The following STPG2 variants were observed in gnomAD, a reference collection of about 807,000 sequenced individuals.
STPG2 encodes sperm-tail PG-rich repeat-containing protein 2.
Under a neutral mutation model 54.2 loss-of-function variants are expected in STPG2, and 56 were observed. The ratio of observed to expected loss-of-function variants is 1.03; its 90% CI spans 0.83 to 1.29. The LOEUF is 1.29. Ranked by LOEUF, STPG2 falls within the 50% of genes most tolerant of loss-of-function variation. The pLI, the probability that STPG2 is intolerant of heterozygous loss-of-function variation, is 0.00. For synonymous variants in STPG2, 200 were observed against 181.8 expected, an observed-to-expected ratio of 1.10 and a Z score of -0.81; for missense variants, 596 against 544.9, an observed-to-expected ratio of 1.09 and a Z score of -0.93.
At chr4:98,018,156 T>C (rs1736030967) in intron 5 of STPG2, among the ~76,000 whole-genome samples, 1 of 152,136 alleles carries the variant, frequency 6.6e-6, no homozygotes, top group Non-Finnish European at 1.5e-5. Flanking sequence ...TTCCTAATGC[T>C]ATCCCTCCCC....
chr4:97,441,287 T>A (rs988104278), intron 4 of STPG2: 6 of 152,034 alleles, frequency 3.9e-5, no homozygotes, highest in South Asian at 2.1e-4. Context: ...ATATTTTATA[T>A]GGATGCATCA....
In STPG2 at chr4:97,492,331, C is replaced by T. The variant is rs142749944; in HGVS notation, c.462+220368G>A. ...TTGCCAGTTTTGATCCCAGGAATGT[C>T]TTTCATGGGGACCTCTGAAAACATC... On this transcript the variant is annotated intron_variant, in intron 4 of 4. Transcript: ENST00000522676. 9.7e-3 allele frequency among the ~76,000 whole-genome samples: 1,469 copies of T among 151,512 alleles called. 10 individuals are homozygous for T. Among genetic ancestry groups the T allele is most frequent in the Non-Finnish European group, 0.015 (1,046 of 67,616 alleles).
intron 10 of STPG2, among the ~76,000 whole-genome samples, chr4:97,575,250 A>G (rs2148886643): frequency 6.6e-6 from 1 of 152,182 alleles, no homozygotes; most frequent in African/African-American, 2.4e-5. Context: ...AACCATTCTG[A>G]AAAAATCAAG....
Position 97,838,169 on chromosome 4 carries a change from A to T in STPG2, c.1204+2604T>A, listed in dbSNP as rs1728688915. Reference sequence around the variant, plus strand: ...GTATAAGAAATTCTGCATCCAACCAAAAAAGGTCTTTCCATTGCTATTAAA... The same window carrying T: ...GTATAAGAAATTCTGCATCCAACCATAAAAGGTCTTTCCATTGCTATTAAA... On this transcript the variant is annotated intron_variant, in intron 9 of 10. Coordinates refer to ENST00000295268, the MANE Select transcript of STPG2 (RefSeq NM_174952.3). 2.0e-5 allele frequency among the ~76,000 whole-genome samples: 3 copies of T among 151,524 alleles called. 1 individual carries two copies. The South Asian group carries it at 6.2e-4, about 31-fold the overall frequency.
At chr4:97,559,392 G>A (rs539145293) in intron 10 of STPG2, among the ~76,000 whole-genome samples, 1 of 152,138 alleles carries the variant, frequency 6.6e-6, no homozygotes, top group South Asian at 2.1e-4. Flanking sequence ...TTATTTACTT[G>A]TAATAGTCTG....
Position 98,094,941 on chromosome 4 carries a change from G to A in STPG2, c.612+11012C>T, listed in dbSNP as rs116928152. Reference sequence around the variant, plus strand: ...TTAAAATAAGCTTATACTTGACTAAGTATAAAGACCAAATGATGAACCAAT... The same window carrying A: ...TTAAAATAAGCTTATACTTGACTAAATATAAAGACCAAATGATGAACCAAT... On this transcript the variant is annotated intron_variant, in intron 5 of 10. Coordinates refer to ENST00000295268, the MANE Select transcript of STPG2 (RefSeq NM_174952.3). Among the ~76,000 whole-genome samples, 1,166 of 152,144 alleles carry A rather than the reference G, an allele frequency of 7.7e-3. 23 individuals are homozygous for A. Among genetic ancestry groups the A allele is most frequent in the East Asian group, 0.05 (259 of 5,162 alleles).
chr4:97,863,717 A>G (rs946375823), intron 8 of STPG2, among the ~76,000 whole-genome samples: 10 of 152,236 alleles, frequency 6.6e-5, no homozygotes, highest in Non-Finnish European at 1.3e-4. Context: ...CTGGTAAACC[A>G]AATCCAGCAG....
intron 9 of STPG2, among the ~76,000 whole-genome samples, chr4:97,776,368 A>C (rs1042058600): frequency 2.2e-4 from 34 of 152,212 alleles, no homozygotes; most frequent in Non-Finnish European, 1.5e-5. Flanking sequence ...CTGAGATTCA[A>C]TTCTGGAAGT....
intron 10 of STPG2, among the ~76,000 whole-genome samples, chr4:97,586,181 T>C (rs573003021): frequency 1.3e-5 from 2 of 151,890 alleles, no homozygotes; most frequent in South Asian, 2.1e-4. Context: ...AATTCAGTAA[T>C]AGAAAACTCC....
At chr4:97,929,125 T>C (rs902930861) in intron 8 of STPG2, among the ~76,000 whole-genome samples, 4 of 152,166 alleles carry the variant, frequency 2.6e-5, no homozygotes, top group Non-Finnish European at 1.5e-5. Context: ...TGAGAACATG[T>C]AGTAGTTGGT....
At chr4:97,975,913 G>GT (rs1406744187) in intron 6 of STPG2, among the ~76,000 whole-genome samples, 1 of 152,122 alleles carries the variant, frequency 6.6e-6, no homozygotes, top group Non-Finnish European at 1.5e-5. Context: ...GGGTTGTGCT[G>GT]ATTTATGTTC....
At chr4:97,712,641 A>G in intron 10 of STPG2, 58 bp downstream of exon 10, 1 of 1,199,192 alleles carries the variant, frequency 8.3e-7, no homozygotes, top group Non-Finnish European at 1.1e-6. Flanking sequence ...CATTTGTAGT[A>G]CTTTCTGGAA....
chr4:97,612,346 G>A (rs1733752522), intron 10 of STPG2, among the ~76,000 whole-genome samples: 1 of 151,320 alleles, frequency 6.6e-6, no homozygotes, highest in Non-Finnish European at 1.5e-5. Flanking sequence ...ATTTACTGCT[G>A]GCCAGAAGGA....
chr4:97,819,082 G>T (rs566331727), intron 9 of STPG2, among the ~76,000 whole-genome samples: 1 of 151,062 alleles, frequency 6.6e-6, no homozygotes, highest in Non-Finnish European at 1.5e-5. Flanking sequence ...CTATCATTTC[G>T]AATAAAGATA....
intron 8 of STPG2, among the ~76,000 whole-genome samples, chr4:97,908,930 G>T (rs967514953): frequency 3.3e-5 from 5 of 151,116 alleles, no homozygotes; most frequent in African/African-American, 4.9e-5. Flanking sequence ...ACAAGTTAGT[G>T]GGTGCAGCGC....
intron 10 of STPG2, among the ~76,000 whole-genome samples, chr4:97,601,780 G>A (rs1250941737): frequency 6.6e-6 from 1 of 151,798 alleles, no homozygotes; most frequent in African/African-American, 2.4e-5. Flanking sequence ...TTCCTTAGGA[G>A]TGTGTTATAT....
chr4:97,959,466 C>T (rs1328391217), intron 7 of STPG2, among the ~76,000 whole-genome samples: 1 of 151,570 alleles, frequency 6.6e-6, no homozygotes, highest in Non-Finnish European at 1.5e-5. Context: ...CAAGATTAAC[C>T]AAGAAAAGAA....
chr4:98,133,809 A>T (rs1740064335), intron 2 of STPG2, among the ~76,000 whole-genome samples: 1 of 152,038 alleles, frequency 6.6e-6, no homozygotes, highest in African/African-American at 2.4e-5. Flanking sequence ...CAATACATAT[A>T]AATGCAAAAT....
chr4:97,650,902 C>T (rs1236788745), intron 10 of STPG2, among the ~76,000 whole-genome samples: 1 of 151,850 alleles, frequency 6.6e-6, no homozygotes, highest in Non-Finnish European at 1.5e-5. Context: ...CAGAGTCAAA[C>T]TGGAAAGTAA....
Sources: allele counts gnomAD v4.1 joint callset (sites outside exome capture counted in the v4.1 genomes callset), GRCh38; gene constraint gnomAD v4.1.1; transcripts MANE v1.5; gene names NCBI Gene and HGNC (gene_info 2026-07-23, HGNC 2026-07-21).